The following ASIC2 variants were observed in gnomAD, a reference collection of about 807,000 sequenced individuals.
The protein encoded by ASIC2 is acid-sensing ion channel 2.
A neutral mutation model predicts 57.3 loss-of-function variants in ASIC2; 25 were observed. The observed-to-expected ratio is 0.44, with a 90% confidence interval of 0.32 to 0.61. ASIC2 has a LOEUF of 0.61. ASIC2 is among the 20% of genes least tolerant of loss of function. The pLI, the probability that ASIC2 is intolerant of heterozygous loss-of-function variation, is 0.06. For synonymous variants in ASIC2, 319 were observed against 307.5 expected (o/e 1.04, Z -0.39); for missense variants, 641 against 738.1 (o/e 0.87, Z 1.52).
chr17:33,321,802 C>T lies in ASIC2; in HGVS notation c.556-209735G>A, dbSNP rs191705160. 6.6e-5 allele frequency among the ~76,000 whole-genome samples: 10 copies of T among 152,306 alleles called. No individual in the cohort carries two copies. In the East Asian group the frequency reaches 1.7e-3, roughly 26 times the overall value. On this transcript the variant is annotated intron_variant, in intron 1 of 9. Transcript: ENST00000359872. Reference sequence around the variant, plus strand: ...CATTTTCTTTTTGCTGAGTTTACAACCCCTTAATGTGAAGCATGCTGCCAG... The same window carrying T: ...CATTTTCTTTTTGCTGAGTTTACAATCCCTTAATGTGAAGCATGCTGCCAG...
chr17:33,881,181 T>C (rs1487177644), intron 1 of ASIC2, among the ~76,000 whole-genome samples: 1 of 152,176 alleles, frequency 6.6e-6, no homozygotes, highest in Admixed American at 6.5e-5. Context: ...ACTGGAAGCA[T>C]TCCCTTTGAA....
At chr17:33,704,992 T>A (rs891178224) in intron 1 of ASIC2, among the ~76,000 whole-genome samples, 1 of 152,234 alleles carries the variant, frequency 6.6e-6, no homozygotes, top group Non-Finnish European at 1.5e-5. Flanking sequence ...TGTAGGCGTA[T>A]GTTTGTAACA....
intron 1 of ASIC2, among the ~76,000 whole-genome samples, chr17:34,035,743 A>G (rs569628100): frequency 6.6e-5 from 10 of 152,304 alleles, no homozygotes; most frequent in East Asian, 5.8e-4. Context: ...GACACTTCTC[A>G]AAAGAAGACA....
chr17:33,684,247 G>A (rs748412565), intron 1 of ASIC2, among the ~76,000 whole-genome samples: 1 of 152,216 alleles, frequency 6.6e-6, no homozygotes, highest in Non-Finnish European at 1.5e-5. Context: ...ATGCAGGAAT[G>A]TCAGAAAAGC....
rs1035358048 is a variant in ASIC2, at chr17:33,187,820, A to G, written c.709-75753T>C. On this transcript the variant is annotated intron_variant, in intron 1 of 9. Coordinates refer to ENST00000225823, the MANE Select transcript of ASIC2 (RefSeq NM_183377.2). ...ATTGCATCCCAGGACAAGGCCCCCA[A>G]ACATTTAAAGGAACTGAAAAAATGA... Among the ~76,000 whole-genome samples, 42 of 152,168 alleles carry G rather than the reference A, an allele frequency of 2.8e-4. 2 individuals carry two copies. The highest frequency in any genetic ancestry group is 4.8e-5 in the African/African-American group (2 of 41,528).
chr17:33,970,575 G>A (rs1445720687), intron 1 of ASIC2, among the ~76,000 whole-genome samples: 1 of 152,196 alleles, frequency 6.6e-6, no homozygotes, highest in African/African-American at 2.4e-5. Context: ...TGGCTCCAGC[G>A]GCCTCCACTC....
chr17:33,608,924 C>G (rs1567668017), intron 1 of ASIC2, among the ~76,000 whole-genome samples: 1 of 152,054 alleles, frequency 6.6e-6, no homozygotes, highest in South Asian at 2.1e-4. Context: ...TGTCATTATC[C>G]TCTAGTTCTA....
chr17:33,992,118 G>A (rs1290099983), intron 1 of ASIC2, among the ~76,000 whole-genome samples: 1 of 152,120 alleles, frequency 6.6e-6, no homozygotes, highest in Non-Finnish European at 1.5e-5. Context: ...GATAGAACTG[G>A]ACCGGTTTGG....
chr17:33,644,011 C>G (rs1354192139), intron 1 of ASIC2, among the ~76,000 whole-genome samples: 1 of 152,144 alleles, frequency 6.6e-6, no homozygotes, highest in Non-Finnish European at 1.5e-5. Context: ...TCACAACAAA[C>G]ACTCCTATTC....
chr17:33,931,850 G>A (rs1915937383), intron 1 of ASIC2, among the ~76,000 whole-genome samples: 1 of 152,124 alleles, frequency 6.6e-6, no homozygotes, highest in Non-Finnish European at 1.5e-5. Flanking sequence ...AACTGCATGG[G>A]GAATGAGCGC....
intron 1 of ASIC2, among the ~76,000 whole-genome samples, chr17:33,678,535 A>G (rs1015844377): frequency 2.0e-5 from 3 of 151,896 alleles, no homozygotes; most frequent in African/African-American, 7.3e-5. Context: ...TAAAGTTGCT[A>G]GGGGTGTCAG....
chr17:33,370,700 G>T (rs1046619144), intron 1 of ASIC2, among the ~76,000 whole-genome samples: 1 of 152,180 alleles, frequency 6.6e-6, no homozygotes, highest in Non-Finnish European at 1.5e-5. Flanking sequence ...TTCCCACTGG[G>T]ATTCTCTCTA....
At chr17:33,999,803 T>C (rs1318697569) in intron 1 of ASIC2, among the ~76,000 whole-genome samples, 1 of 152,178 alleles carries the variant, frequency 6.6e-6, no homozygotes, top group Non-Finnish European at 1.5e-5. Context: ...TACACCACCA[T>C]TACAGTATTA....
At chr17:34,128,709 C>T (rs1195415609) in intron 1 of ASIC2, among the ~76,000 whole-genome samples, 1 of 152,188 alleles carries the variant, frequency 6.6e-6, no homozygotes, top group Non-Finnish European at 1.5e-5. Flanking sequence ...TTTCTTGATG[C>T]CGTGTTACTA....
intron 1 of ASIC2, among the ~76,000 whole-genome samples, chr17:33,452,319 A>T (rs967192427): frequency 6.6e-6 from 1 of 152,224 alleles, no homozygotes; most frequent in Admixed American, 6.5e-5. Context: ...CAAGATGGGT[A>T]TGGTAATATC....
chr17:34,045,835 C>T (rs560791195), intron 1 of ASIC2, among the ~76,000 whole-genome samples: 1 of 152,278 alleles, frequency 6.6e-6, no homozygotes, highest in African/African-American at 2.4e-5. Flanking sequence ...ATACAGACAC[C>T]ATTCCTCGCA....
chr17:33,939,319 C>T (rs1479555473), intron 1 of ASIC2, among the ~76,000 whole-genome samples: 1 of 152,240 alleles, frequency 6.6e-6, no homozygotes, highest in East Asian at 1.9e-4. Flanking sequence ...AAGTAACATT[C>T]TCAAGGCAGT....
chr17:33,031,737 C>T (rs984675382), intron 3 of ASIC2, among the ~76,000 whole-genome samples: 21 of 152,004 alleles, frequency 1.4e-4, no homozygotes, highest in Admixed American at 2.0e-4. Flanking sequence ...TCTGTTTCTC[C>T]CTTTAGTTTT....
At chr17:33,040,639 G>A (rs766443215) in intron 3 of ASIC2, among the ~76,000 whole-genome samples, 4 of 152,186 alleles carry the variant, frequency 2.6e-5, no homozygotes, top group South Asian at 4.1e-4. Context: ...TGGAGAAACC[G>A]ATCAAGACGA....
Sources: allele counts gnomAD v4.1 joint callset (sites outside exome capture counted in the v4.1 genomes callset), GRCh38; gene constraint gnomAD v4.1.1; transcripts MANE v1.5; gene names NCBI Gene and HGNC (gene_info 2026-07-23, HGNC 2026-07-21).